PTPRT: variants seen among roughly 807,000 people sequenced by gnomAD.
The protein encoded by PTPRT is protein tyrosine phosphatase receptor type T, also known as receptor-type tyrosine-protein phosphatase T.
Under a neutral mutation model 176.8 loss-of-function variants are expected in PTPRT, and 56 were observed. The ratio of observed to expected loss-of-function variants is 0.32; its 90% CI spans 0.26 to 0.40. The LOEUF is 0.40. Among genes scored for constraint, PTPRT ranks in the 10% least tolerant of loss-of-function variants. The pLI is 1.00. For missense variants in PTPRT, 1,540 were observed against 1,908.2 expected, an observed-to-expected ratio of 0.81 and a Z score of 3.60; for synonymous variants, 783 against 739.0, an observed-to-expected ratio of 1.06 and a Z score of -0.96.
chr20:43,179,272 A>C (rs2015191799), intron 1 of PTPRT, among the ~76,000 whole-genome samples: 1 of 152,222 alleles, frequency 6.6e-6, no homozygotes, highest in Non-Finnish European at 1.5e-5. Flanking sequence ...GTTTCAATCC[A>C]TATAATAACT....
At chr20:43,182,925 G>T (rs1416961575) in intron 1 of PTPRT, among the ~76,000 whole-genome samples, 1 of 152,066 alleles carries the variant, frequency 6.6e-6, no homozygotes, top group African/African-American at 2.4e-5. Context: ...TACATCCTTA[G>T]CTTAATGAGA....
rs1262236052 is a variant in PTPRT at position 42,073,155 on chromosome 20, A to G, written c.*7724T>C. 5.0e-6 allele frequency: 1 copy of G among 198,576 alleles called. No individual in the cohort carries two copies. Among genetic ancestry groups the G allele is most frequent in the African/African-American group, 2.3e-5 (1 of 43,490 alleles). 12.3% of individuals were successfully genotyped at this position (198,576 alleles called of 1,614,324 possible). On this transcript the variant is annotated 3_prime_UTR_variant, in exon 31 of 31. Coordinates refer to ENST00000373187, the MANE Select transcript of PTPRT (RefSeq NM_007050.6). Reference sequence around the variant, plus strand: ...TGGTCTCATGCAATATTATATGCCCAGTGGATGTGAAGATGTCAGCCTCCC... The same window carrying G: ...TGGTCTCATGCAATATTATATGCCCGGTGGATGTGAAGATGTCAGCCTCCC...
At chr20:42,527,593 G>C (rs550415715) in intron 7 of PTPRT, among the ~76,000 whole-genome samples, 1 of 152,238 alleles carries the variant, frequency 6.6e-6, no homozygotes, top group African/African-American at 2.4e-5. Flanking sequence ...ATGGAGAAGG[G>C]GAAAAAAAGC....
At chr20:42,753,532 C>T (rs909552722) in intron 6 of PTPRT, among the ~76,000 whole-genome samples, 1 of 152,202 alleles carries the variant, frequency 6.6e-6, no homozygotes. Flanking sequence ...TGCCAACCCC[C>T]CACTGTTCAA....
intron 1 of PTPRT, among the ~76,000 whole-genome samples, chr20:43,009,268 C>T (rs1985003629): frequency 6.6e-6 from 1 of 152,308 alleles, no homozygotes; most frequent in South Asian, 2.1e-4. Flanking sequence ...CAATCATTTA[C>T]CCACTCGCTG....
chr20:42,357,901 G>C (rs1280876648), intron 9 of PTPRT, among the ~76,000 whole-genome samples: 2 of 152,140 alleles, frequency 1.3e-5, no homozygotes, highest in Non-Finnish European at 2.9e-5. Context: ...GAAACAGAGT[G>C]AGACCATGTC....
chr20:42,380,678 T>C (rs1160641196), intron 9 of PTPRT, among the ~76,000 whole-genome samples: 2 of 152,218 alleles, frequency 1.3e-5, no homozygotes, highest in Non-Finnish European at 2.9e-5. Context: ...GCACTTATCA[T>C]GCTGTCTTGA....
intron 8 of PTPRT, among the ~76,000 whole-genome samples, chr20:42,469,573 C>G (rs528438062): frequency 6.6e-6 from 1 of 152,166 alleles, no homozygotes; most frequent in African/African-American, 2.4e-5. Flanking sequence ...GCATGCTTGG[C>G]TCCAGAGTGT....
intron 7 of PTPRT, among the ~76,000 whole-genome samples, chr20:42,472,823 T>C (rs2071222483): frequency 6.6e-6 from 1 of 152,154 alleles, no homozygotes; most frequent in Admixed American, 6.5e-5. Context: ...ATGTTAACCA[T>C]AAAAATAAAT....
At chr20:42,406,478 C>T (rs996893072) in intron 9 of PTPRT, among the ~76,000 whole-genome samples, 268 of 152,078 alleles carry the variant, frequency 1.8e-3, no homozygotes, top group African/African-American at 5.6e-3. Flanking sequence ...AAGAAAATCA[C>T]GTAACAGTTT....
intron 2 of PTPRT, among the ~76,000 whole-genome samples, chr20:42,876,711 A>G (rs1202062686): frequency 6.6e-6 from 1 of 152,200 alleles, no homozygotes; most frequent in Non-Finnish European, 1.5e-5. Flanking sequence ...CCCAACACGA[A>G]TAACTTTAAC....
intron 8 of PTPRT, among the ~76,000 whole-genome samples, chr20:42,466,742 C>T (rs1018627597): frequency 1.4e-4 from 22 of 152,120 alleles, no homozygotes; most frequent in African/African-American, 4.6e-4. Flanking sequence ...ACTGAAAGAA[C>T]CTACAGGCAA....
chr20:42,740,054 G>A (rs2076585735), intron 6 of PTPRT, among the ~76,000 whole-genome samples: 1 of 152,180 alleles, frequency 6.6e-6, no homozygotes, highest in Admixed American at 6.5e-5. Context: ...TCTAGAATCG[G>A]ACGCTCAACC....
intron 7 of PTPRT, among the ~76,000 whole-genome samples, chr20:42,616,780 A>G (rs1174618529): frequency 7.4e-6 from 1 of 134,950 alleles, no homozygotes; most frequent in Admixed American, 7.1e-5. Context: ...ATTTTTGTAC[A>G]TTGATTTTGT....
At chr20:42,284,900 A>G (rs2057203393) in intron 12 of PTPRT, among the ~76,000 whole-genome samples, 1 of 151,898 alleles carries the variant, frequency 6.6e-6, no homozygotes, top group Non-Finnish European at 1.5e-5. Context: ...ATCTTCACAC[A>G]AAATTTGAAG....
At chr20:42,345,153 T>C (rs961998861) in intron 11 of PTPRT, among the ~76,000 whole-genome samples, 4 of 152,068 alleles carry the variant, frequency 2.6e-5, no homozygotes, top group Non-Finnish European at 5.9e-5. Flanking sequence ...TGGCAGTCAG[T>C]AGCCACATAT....
chr20:42,350,914 A>G (rs896505420), intron 10 of PTPRT, among the ~76,000 whole-genome samples, 184 bp from the exon 11 acceptor site: 23 of 152,196 alleles, frequency 1.5e-4, no homozygotes, highest in African/African-American at 5.5e-4. Flanking sequence ...TGCCCATAGT[A>G]GGTTTCTTCA....
At chr20:42,567,346 T>C (rs1329393616) in intron 7 of PTPRT, among the ~76,000 whole-genome samples, 1 of 152,064 alleles carries the variant, frequency 6.6e-6, no homozygotes, top group African/African-American at 2.4e-5. Context: ...TATTGAGCCA[T>C]TGTGCCTTTG....
At chr20:42,670,887 T>C (rs1360211041) in intron 7 of PTPRT, among the ~76,000 whole-genome samples, 1 of 152,108 alleles carries the variant, frequency 6.6e-6, no homozygotes, top group Non-Finnish European at 1.5e-5. Context: ...GACAACTGAG[T>C]GGCTGAAGAC....
Sources: allele counts gnomAD v4.1 joint callset (sites outside exome capture counted in the v4.1 genomes callset), GRCh38; gene constraint gnomAD v4.1.1; transcripts MANE v1.5; gene names NCBI Gene and HGNC (gene_info 2026-07-23, HGNC 2026-07-21).